The following NELL1 variants were observed in gnomAD, a reference collection of about 807,000 sequenced individuals.
NELL1 encodes neural EGFL like 1, also known as protein kinase C-binding protein NELL1.
NELL1 carries 76 observed loss-of-function variants against 107.4 expected under a neutral mutation model. The observed-to-expected ratio is 0.71, with a 90% CI of 0.59 to 0.86. The LOEUF (loss-of-function observed/expected upper bound fraction) is 0.86, where lower values mean the gene tolerates loss of function less well. Ranked by LOEUF, NELL1 falls within the 40% of genes least tolerant of loss-of-function variation. The pLI is 0.00. For synonymous variants in NELL1, 353 were observed against 341.2 expected (o/e 1.03, Z -0.38); for missense variants, 1,024 against 1,005.5 (o/e 1.02, Z -0.25).
At chr11:21,548,179 A>G (rs1324268333) in intron 16 of NELL1, among the ~76,000 whole-genome samples, 2 of 151,924 alleles carry the variant, frequency 1.3e-5, no homozygotes, top group East Asian at 3.9e-4. Context: ...AAGTGGCATT[A>G]TGGGGTAAAT....
chr11:21,489,121 C>T (rs1274850438), intron 15 of NELL1, among the ~76,000 whole-genome samples: 2 of 151,474 alleles, frequency 1.3e-5, no homozygotes, highest in Non-Finnish European at 2.9e-5. Context: ...CACAGAAATA[C>T]AAAAGATCAT....
chr11:21,537,017 T>G (rs1418531433), intron 16 of NELL1, among the ~76,000 whole-genome samples: 2 of 142,586 alleles, frequency 1.4e-5, no homozygotes, highest in Admixed American at 1.4e-4. Context: ...GTCAGTGAAC[T>G]GGACTCCTTG....
intron 13 of NELL1, among the ~76,000 whole-genome samples, chr11:21,191,601 C>T (rs1292883086): frequency 6.6e-6 from 1 of 151,878 alleles, no homozygotes; most frequent in African/African-American, 2.4e-5. Flanking sequence ...ATATTTATGT[C>T]TTGATGCTTC....
In NELL1 at chr11:21,171,451, C is replaced by CTA. The variant is rs142250256; in HGVS notation, c.1426+57738_1426+57739insAT. On this transcript the variant is annotated intron_variant, in intron 13 of 19. Coordinates refer to ENST00000357134, the MANE Select transcript of NELL1 (RefSeq NM_006157.5). The stretch of plus-strand genomic sequence containing the variant: ...CATGTCTGTATATTTTTTAACGAAA[C>CTA]TGTGATAGACCCTTTTGTAAATTGC... Among the ~76,000 whole-genome samples, 542 of 151,956 alleles carry CTA rather than the reference C, an allele frequency of 3.6e-3. 16 individuals are homozygous for CTA. Among genetic ancestry groups the CTA allele is most frequent in the African/African-American group, 0.012 (503 of 41,254 alleles).
chr11:21,200,340 A>C (rs1285485217), intron 13 of NELL1, among the ~76,000 whole-genome samples: 1 of 152,182 alleles, frequency 6.6e-6, no homozygotes, highest in Non-Finnish European at 1.5e-5. Context: ...TTGTCATTCT[A>C]ACTGGAATGA....
chr11:21,527,740 G>C (rs933445202), intron 15 of NELL1, among the ~76,000 whole-genome samples: 4 of 152,134 alleles, frequency 2.6e-5, no homozygotes, highest in Non-Finnish European at 5.9e-5. Context: ...GCAAATCTCT[G>C]GTTTAGGTCC....
chr11:21,047,915 T>G (rs1304031135), intron 12 of NELL1, among the ~76,000 whole-genome samples: 1 of 152,152 alleles, frequency 6.6e-6, no homozygotes, highest in African/African-American at 2.4e-5. Context: ...TGCCAAAAAC[T>G]AGGTAACCAG....
At chr11:21,203,704 G>C (rs1005182627) in intron 13 of NELL1, among the ~76,000 whole-genome samples, 1 of 152,284 alleles carries the variant, frequency 6.6e-6, no homozygotes, top group Non-Finnish European at 1.5e-5. Flanking sequence ...TTTCTTCATA[G>C]TGTTGATGGC....
intron 15 of NELL1, among the ~76,000 whole-genome samples, chr11:21,385,375 TATG>T (rs1046093366): frequency 2.6e-5 from 4 of 152,090 alleles, no homozygotes; most frequent in African/African-American, 9.6e-5. Context: ...ACAATACTGT[TATG>T]ATACGTCTTG....
At chr11:20,696,956 A>G (rs920059215) in intron 2 of NELL1, among the ~76,000 whole-genome samples, 4 of 152,126 alleles carry the variant, frequency 2.6e-5, no homozygotes, top group Admixed American at 2.0e-4. Flanking sequence ...CACTGTTTAA[A>G]CAGTTGGCTG....
intron 13 of NELL1, among the ~76,000 whole-genome samples, chr11:21,147,690 G>A (rs1045978883): frequency 2.0e-5 from 3 of 151,666 alleles, no homozygotes; most frequent in Non-Finnish European, 4.4e-5. Context: ...TACAAAATTA[G>A]CCGGGTGTGG....
chr11:21,217,540 A>G (rs887258134), intron 13 of NELL1, among the ~76,000 whole-genome samples: 4 of 152,174 alleles, frequency 2.6e-5, no homozygotes, highest in African/African-American at 9.7e-5. Flanking sequence ...GTGGACTTTT[A>G]GAAAGACTGT....
At chr11:21,371,005 A>G in intron 15 of NELL1, 57 bp downstream of exon 15, 1 of 1,267,468 alleles carries the variant, frequency 7.9e-7, no homozygotes, top group Non-Finnish European at 1.1e-6. Flanking sequence ...AGATTGATTC[A>G]GAAAGAATAA....
chr11:21,073,490 G>A (rs1854064383), intron 12 of NELL1, among the ~76,000 whole-genome samples: 1 of 152,140 alleles, frequency 6.6e-6, no homozygotes, highest in Non-Finnish European at 1.5e-5. Context: ...CTTGTGTAAT[G>A]GCTTAGTGTT....
chr11:21,173,464 T>G (rs563538098), intron 13 of NELL1, among the ~76,000 whole-genome samples: 1 of 151,900 alleles, frequency 6.6e-6, no homozygotes, highest in Non-Finnish European at 1.5e-5. Flanking sequence ...ACTTTTTCTT[T>G]CCTATCAGAA....
chr11:21,330,008 G>A (rs940242663), intron 14 of NELL1, among the ~76,000 whole-genome samples: 1 of 151,866 alleles, frequency 6.6e-6, no homozygotes, highest in African/African-American at 2.4e-5. Flanking sequence ...TTATATGTTT[G>A]TAAATTTTGT....
chr11:20,871,719 A>T (rs1010521860), intron 4 of NELL1, among the ~76,000 whole-genome samples: 1 of 151,832 alleles, frequency 6.6e-6, no homozygotes, highest in Non-Finnish European at 1.5e-5. Flanking sequence ...TGCCTCGGAG[A>T]TGCTTTAAGA....
At chr11:21,212,192 C>T (rs1034519830) in intron 13 of NELL1, among the ~76,000 whole-genome samples, 5 of 151,994 alleles carry the variant, frequency 3.3e-5, no homozygotes, top group Non-Finnish European at 5.9e-5. Flanking sequence ...AATATTAGGC[C>T]ATATACAACC....
At chr11:20,883,279 T>C (rs146065743) in intron 4 of NELL1, among the ~76,000 whole-genome samples, 8 of 152,366 alleles carry the variant, frequency 5.3e-5, no homozygotes, top group African/African-American at 1.7e-4. Context: ...GCCTCAGATG[T>C]TTGCTTCTTC....
Sources: gnomAD v4.1 joint callset for allele counts (sites outside exome capture counted in the v4.1 genomes callset) on GRCh38, gnomAD v4.1.1 for gene constraint, MANE v1.5 for transcripts, NCBI Gene and HGNC (gene_info 2026-07-23, HGNC 2026-07-21) for gene names.